CLASP2: variants seen among roughly 807,000 people sequenced by gnomAD.
CLASP2 encodes the protein CLIP-associating protein 2.
Under a neutral mutation model 194.4 loss-of-function variants are expected in CLASP2, and 47 were observed. The ratio of observed to expected loss-of-function variants is 0.24; its 90% CI spans 0.19 to 0.31. CLASP2 has a LOEUF of 0.31. Among genes scored for constraint, CLASP2 ranks in the 10% least tolerant of loss-of-function variants. The pLI, the probability that CLASP2 is intolerant of heterozygous loss-of-function variation, is 1.00. For synonymous variants in CLASP2, 619 were observed against 633.5 expected (o/e 0.98, Z 0.34); for missense variants, 1,445 against 1,823.6 (o/e 0.79, Z 3.78).
intron 37 of CLASP2, among the ~76,000 whole-genome samples, chr3:33,510,210 G>T (rs562100028): frequency 6.6e-6 from 1 of 152,146 alleles, no homozygotes; most frequent in Admixed American, 6.6e-5. Flanking sequence ...CAGGTGCTGG[G>T]GGGGATGAAG....
At chr3:33,513,368 G>T (rs777957127) in intron 36 of CLASP2, among the ~76,000 whole-genome samples, 1 of 151,770 alleles carries the variant, frequency 6.6e-6, no homozygotes, top group Non-Finnish European at 1.5e-5. Context: ...GCGAAACCCC[G>T]TTTCCACACA....
chr3:33,593,800 T>C (rs1445670422), intron 20 of CLASP2, among the ~76,000 whole-genome samples: 1 of 152,228 alleles, frequency 6.6e-6, no homozygotes, highest in African/African-American at 2.4e-5. Flanking sequence ...ATTTTGATAT[T>C]AACATTTGAA....
chr3:33,602,411 C>T, intron 18 of CLASP2: 1 of 667,762 alleles, frequency 1.5e-6, no homozygotes. Flanking sequence ...CAGTACTACC[C>T]AAAAGAAAAA....
At chr3:33,679,248 C>G (rs916880987) in intron 6 of CLASP2, among the ~76,000 whole-genome samples, 1 of 152,046 alleles carries the variant, frequency 6.6e-6, no homozygotes, top group Non-Finnish European at 1.5e-5. Flanking sequence ...AAATGGATCA[C>G]AGAACTAAAT....
At chr3:33,692,786 G>A (rs1222291235) in intron 2 of CLASP2, among the ~76,000 whole-genome samples, 1 of 152,102 alleles carries the variant, frequency 6.6e-6, no homozygotes, top group Non-Finnish European at 1.5e-5. Flanking sequence ...TCACTCAATA[G>A]GCTCTCCATA....
At chr3:33,589,586 C>T (rs1418688620) in intron 21 of CLASP2, among the ~76,000 whole-genome samples, 1 of 151,968 alleles carries the variant, frequency 6.6e-6, no homozygotes, top group Middle Eastern at 3.2e-3. Flanking sequence ...AACAAAAGTC[C>T]CTCCAATATA....
chr3:33,513,249 C>G (rs2050420542), intron 36 of CLASP2, among the ~76,000 whole-genome samples: 1 of 151,892 alleles, frequency 6.6e-6, no homozygotes, highest in Non-Finnish European at 1.5e-5. Context: ...AAACAGAAAA[C>G]AAAACTGGGT....
At chr3:33,624,037 A>G (rs2077562187) in intron 10 of CLASP2, among the ~76,000 whole-genome samples, 1 of 152,152 alleles carries the variant, frequency 6.6e-6, no homozygotes, top group African/African-American at 2.4e-5. Flanking sequence ...CTAGACAAGA[A>G]AAATCATTAC....
At chr3:33,627,912 A>T (rs2078336940) in intron 9 of CLASP2, among the ~76,000 whole-genome samples, 1 of 152,146 alleles carries the variant, frequency 6.6e-6, no homozygotes, top group South Asian at 2.1e-4. Context: ...TGACAAAGTA[A>T]ATGAAAGAAA....
At chr3:33,658,076 G>C (rs865958605) in intron 7 of CLASP2, among the ~76,000 whole-genome samples, 3 of 151,830 alleles carry the variant, frequency 2.0e-5, no homozygotes, top group Non-Finnish European at 4.4e-5. Flanking sequence ...TCTAGGCCTC[G>C]TAACAAAAAA....
chr3:33,708,398 A>G (rs1191446464), intron 1 of CLASP2, among the ~76,000 whole-genome samples: 1 of 150,860 alleles, frequency 6.6e-6, no homozygotes, highest in Non-Finnish European at 1.5e-5. Flanking sequence ...ATGTTGTCAC[A>G]AATGGCAGGA....
At chr3:33,699,989 A>G (rs1041827793) in intron 1 of CLASP2, among the ~76,000 whole-genome samples, 1 of 152,204 alleles carries the variant, frequency 6.6e-6, no homozygotes, top group South Asian at 2.1e-4. Flanking sequence ...TCAAACAAAC[A>G]AAATCTAATA....
At chr3:33,581,641 C>T (rs769747143) in intron 23 of CLASP2, among the ~76,000 whole-genome samples, 180 bp downstream of exon 23, 11 of 152,170 alleles carry the variant, frequency 7.2e-5, no homozygotes, top group Non-Finnish European at 1.6e-4. Flanking sequence ...TCATTTCAGA[C>T]ATGTAAATCA....
chr3:33,552,452 G>A (rs2060184427), intron 29 of CLASP2, among the ~76,000 whole-genome samples: 1 of 152,156 alleles, frequency 6.6e-6, no homozygotes, highest in African/African-American at 2.4e-5. Flanking sequence ...TAGGTGCATG[G>A]AAGGCAGATG....
chr3:33,518,132 C>G (rs2051945803), intron 34 of CLASP2, among the ~76,000 whole-genome samples: 1 of 152,168 alleles, frequency 6.6e-6, no homozygotes, highest in Admixed American at 6.5e-5. Context: ...ATAGAAAAAG[C>G]AGAACAGATT....
chr3:33,620,835 G>C (rs1011443942), intron 11 of CLASP2, among the ~76,000 whole-genome samples: 1 of 152,138 alleles, frequency 6.6e-6, no homozygotes, highest in African/African-American at 2.4e-5. Flanking sequence ...TGGTTGGTCA[G>C]ATCTTAAACC....
intron 1 of CLASP2, among the ~76,000 whole-genome samples, chr3:33,711,197 T>C (rs1032842915): frequency 1.3e-5 from 2 of 151,964 alleles, no homozygotes; most frequent in Non-Finnish European, 2.9e-5. Flanking sequence ...CACCTTCAGT[T>C]GCCCTAGTGT....
chr3:33,605,453 T>C (rs2073563814), intron 16 of CLASP2, among the ~76,000 whole-genome samples: 1 of 152,200 alleles, frequency 6.6e-6, no homozygotes, highest in South Asian at 2.1e-4. Context: ...TCTGAAAACC[T>C]ATAAGCAACT....
intron 7 of CLASP2, chr3:33,645,423 AAAC>A: frequency 1.4e-6 from 1 of 740,356 alleles, no homozygotes; most frequent in Non-Finnish European, 2.5e-6. Context: ...AAAAAGACAG[AAAC>A]AACCACAGAA....
Sources: allele counts gnomAD v4.1 joint callset (sites outside exome capture counted in the v4.1 genomes callset), GRCh38; gene constraint gnomAD v4.1.1; transcripts MANE v1.5; gene names NCBI Gene and HGNC (gene_info 2026-07-23, HGNC 2026-07-21).